The following PCDHGB1 variants were observed in gnomAD, a reference collection of about 807,000 sequenced individuals.
PCDHGB1 encodes the protein protocadherin gamma subfamily B, 1, also known as protocadherin gamma-B1.
In PCDHGB1, 34 loss-of-function variants were observed where a neutral mutation model predicts 56.6. That is an observed-to-expected ratio of 0.60 (90% confidence interval 0.46 to 0.80). The LOEUF (loss-of-function observed/expected upper bound fraction) is 0.80. Ranked by LOEUF, PCDHGB1 falls within the 30% of genes least tolerant of loss-of-function variation. The probability of loss-of-function intolerance (pLI) is 0.00; values close to 1 mark genes in which losing one functional copy is unlikely to be tolerated. For missense variants in PCDHGB1, 1,278 were observed against 1,204.6 expected (o/e 1.06, Z -0.90); for synonymous variants, 561 against 505.9 (o/e 1.11, Z -1.46).
Position 141,351,886 on chromosome 5 carries a change from G to T in PCDHGB1, c.1626G>T (p.Val542=), listed in dbSNP as rs377208230. ...GCTCCCCCGCGCTCAGCGCCAACGT[G>T]AGCCTGCGCGTGTTGGTGGGCGACC... ...DQGSPALSAN[V]SLRVLVGDLN... The change falls in exon 1 of 4, where the codon GTG becomes GTT. Residue 542 remains valine (V), a synonymous_variant. Transcript: ENST00000523390. 2.5e-6 allele frequency: 4 copies of T among 1,613,292 alleles called. No homozygotes were observed. In the Admixed American group the frequency reaches 6.7e-5, roughly 27 times the overall value.
intron 1 of PCDHGB1, among the ~76,000 whole-genome samples, chr5:141,451,522 A>G (rs1387873094): frequency 6.6e-6 from 1 of 152,200 alleles, no homozygotes; most frequent in Non-Finnish European, 1.5e-5. Flanking sequence ...TAGAGCAAGT[A>G]AAGGAGAGTG....
intron 1 of PCDHGB1, chr5:141,410,800 T>G: frequency 1.5e-6 from 1 of 678,550 alleles, no homozygotes. Context: ...TAAGTTGCTC[T>G]ATCTTTTTGT....
chr5:141,423,569 T>A, intron 1 of PCDHGB1: 2 of 1,613,480 alleles, frequency 1.2e-6, no homozygotes, highest in Non-Finnish European at 1.7e-6. Context: ...GACACGCTCA[T>A]CAGCCAGGAG....
intron 1 of PCDHGB1, chr5:141,400,421 G>A (rs1158396440): frequency 1.2e-6 from 2 of 1,613,948 alleles, no homozygotes. Flanking sequence ...TTCCTAAAAT[G>A]TAGTGAGCAA....
In PCDHGB1 at chr5:141,420,182, C is replaced by G. The variant is rs375716662; in HGVS notation, c.2409+67513C>G. The G allele has an allele frequency of 3.7e-6, 6 of 1,613,694 alleles. No individual in the cohort carries two copies. In the African/African-American group the frequency reaches 8.0e-5, roughly 22 times the overall value. Reference sequence around the variant, plus strand: ...TTTTTTCACATCTGTTGATCATTGTCCAGCCACACAAGATAACCTCAACAA... The same window carrying G: ...TTTTTTCACATCTGTTGATCATTGTGCAGCCACACAAGATAACCTCAACAA... On this transcript the variant is annotated intron_variant, in intron 1 of 3. Transcript: ENST00000523390.
rs768994533 is a variant in PCDHGB1 at position 141,486,589 on chromosome 5, C to G, written c.2410-8218C>G. On this transcript the variant is annotated intron_variant, in intron 1 of 3. Transcript: ENST00000523390. This position sits in a 1 kb window ranked among gnomAD's most constrained non-coding sequence, Gnocchi z 5.0. Reference sequence around the variant, plus strand: ...TTCCTGAGAACAATCGCCCAGGGGACCTGCTTTGCTCCCTTGCAGCCTCTG... The same window carrying G: ...TTCCTGAGAACAATCGCCCAGGGGAGCTGCTTTGCTCCCTTGCAGCCTCTG... 1 of 1,613,676 alleles carries G rather than the reference C, an allele frequency of 6.2e-7. No individual in the cohort carries two copies. Among genetic ancestry groups the G allele is most frequent in the Non-Finnish European group, 8.5e-7 (1 of 1,179,996 alleles).
chr5:141,416,053 A>T (rs2095987443), intron 1 of PCDHGB1: 1 of 181,266 alleles, frequency 5.5e-6, no homozygotes, highest in South Asian at 1.8e-4. Flanking sequence ...CACAACCCAA[A>T]TCCAAGAATA....
At chr5:141,371,509 A>G (rs768507307) in intron 1 of PCDHGB1, 3 of 1,613,878 alleles carry the variant, frequency 1.9e-6, no homozygotes, top group South Asian at 2.2e-5. Context: ...ATCAAAACAC[A>G]TGATCTAGAT....
intron 1 of PCDHGB1, among the ~76,000 whole-genome samples, chr5:141,370,096 C>T (rs1385394099): frequency 6.6e-6 from 1 of 152,154 alleles, no homozygotes; most frequent in Non-Finnish European, 1.5e-5. Context: ...CAGTACACTG[C>T]CGATTTTTCT....
chr5:141,399,617 TGGCCTCTTACGTGTCCATGAGC>T, intron 1 of PCDHGB1: 4 of 1,613,944 alleles, frequency 2.5e-6, no homozygotes. Flanking sequence ...CCTCTGGCAC[TGGCCTCTTACGTGTCCATGAGC>T]GCGCAAAGTG....
chr5:141,511,304 CTTGGGAAA>C lies in PCDHGB1; in HGVS notation c.*132_*139del. ...TGGTAGGGGCCAAGGCCATGCTCCC[CTTGGGAAA>C]CAGAAACAAGTGCCCAGTCAGCACC... is the stretch of plus-strand genomic sequence containing the variant. On this transcript the variant is annotated 3_prime_UTR_variant, in exon 4 of 4. Transcript: ENST00000523390. The C allele has an allele frequency of 2.0e-6, 3 of 1,490,438 alleles. No individual in the cohort carries two copies. The South Asian group carries it at 4.0e-5, about 20-fold the overall frequency. 92.3% of individuals were successfully genotyped at this position (1,490,438 alleles called of 1,614,324 possible). A position where few individuals can be genotyped will look rare whatever the true frequency, so the allele number is the denominator to read the frequency against.
At chr5:141,483,753 G>A (rs1316976446) in intron 1 of PCDHGB1, among the ~76,000 whole-genome samples, 1 of 152,082 alleles carries the variant, frequency 6.6e-6, no homozygotes, top group Non-Finnish European at 1.5e-5. Flanking sequence ...CCTGAGGATC[G>A]AGGCTTGGAA....
At chr5:141,357,209 A>C in intron 1 of PCDHGB1, 1 of 1,613,552 alleles carries the variant, frequency 6.2e-7, no homozygotes, top group South Asian at 1.1e-5. Flanking sequence ...AGCATCCCAG[A>C]TGTCCTGGCT....
Position 141,376,615 on chromosome 5 carries a change from T to C in PCDHGB1, c.2409+23946T>C, listed in dbSNP as rs917883333. ...GGCTGTTATAGAAGCGAACCTCTTT[T>C]GGTACAGGAAGATTCGTGATTTTGT... On this transcript the variant is annotated intron_variant, in intron 1 of 3. Transcript: ENST00000523390. 24 of 1,439,268 alleles carry C rather than the reference T, an allele frequency of 1.7e-5. 1 individual carries two copies. In the Admixed American group the frequency reaches 2.3e-4, roughly 14 times the overall value. The allele number at this position is 1,439,268 out of a possible 1,614,324, so 89.2% of individuals were successfully genotyped here.
In PCDHGB1 at chr5:141,472,879, G is replaced by A. The variant is rs541980402; in HGVS notation, c.2410-21928G>A. Among the ~76,000 whole-genome samples the A allele has an allele frequency of 3.3e-5, 5 of 151,694 alleles. No homozygotes were observed. The South Asian group carries it at 6.2e-4, about 19-fold the overall frequency. ...CACATGCCTGTATTCCCAGCTACTC[G>A]GGAGGCTGAGGCAGGAGAATTGCTT... On this transcript the variant is annotated intron_variant, in intron 1 of 3. Coordinates refer to ENST00000523390, the MANE Select transcript of PCDHGB1 (RefSeq NM_018922.3).
chr5:141,506,177 G>A (rs1024892091), intron 3 of PCDHGB1, among the ~76,000 whole-genome samples: 16 of 152,142 alleles, frequency 1.1e-4, no homozygotes, highest in Admixed American at 4.6e-4. Flanking sequence ...TAAGCTGGGC[G>A]TGGTGGCTCA....
At chr5:141,399,315 T>C in intron 1 of PCDHGB1, 2 of 1,613,878 alleles carry the variant, frequency 1.2e-6, no homozygotes, top group Non-Finnish European at 8.5e-7. Flanking sequence ...CATCCAAAAA[T>C]TCGTATAAGT....
intron 1 of PCDHGB1, chr5:141,418,506 ATGG>A (rs2096264933): frequency 6.2e-7 from 1 of 1,613,860 alleles, no homozygotes; most frequent in African/African-American, 1.3e-5. Context: ...ACCGCCTTAG[ATGG>A]TGGGGACCCT....
At chr5:141,415,683 G>C in intron 1 of PCDHGB1, 1 of 1,517,194 alleles carries the variant, frequency 6.6e-7, no homozygotes, top group African/African-American at 1.4e-5. Flanking sequence ...TTTGCGGCAT[G>C]ATGGTGGAAA....
Sources: gnomAD v4.1 joint callset for allele counts (sites outside exome capture counted in the v4.1 genomes callset) on GRCh38, gnomAD v4.1.1 for gene constraint, Gnocchi (gnomAD v3.1) non-coding constraint, MANE v1.5 for transcripts, NCBI Gene and HGNC (gene_info 2026-07-23, HGNC 2026-07-21) for gene names.